Variants in PHYKPL observed in about 807,000 individuals in gnomAD.
The protein encoded by PHYKPL is 5-phosphohydroxy-L-lysine phospho-lyase.
A neutral mutation model predicts 51.3 loss-of-function variants in PHYKPL; 42 were observed. The observed-to-expected ratio is 0.82, with a 90% CI of 0.64 to 1.06. The LOEUF (loss-of-function observed/expected upper bound fraction) is 1.06, where lower values mean the gene tolerates loss of function less well. Ranked by LOEUF, PHYKPL falls within the 50% of genes least tolerant of loss-of-function variation. PHYKPL has a pLI of 0.00. For missense variants in PHYKPL, 655 were observed against 586.6 expected, an observed-to-expected ratio of 1.12 and a Z score of -1.20; for synonymous variants, 264 against 236.0, an observed-to-expected ratio of 1.12 and a Z score of -1.09.
upstream of PHYKPL, chr5:178,232,807 T>G: frequency 7.6e-5 from 22 of 290,462 alleles, no homozygotes; most frequent in South Asian, 1.6e-4. Context: ...CCGTCTCTGG[T>G]TCCGGGACGC....
chr5:178,224,598 T>C, intron 5 of PHYKPL, 34 bp from the exon 6 acceptor site: 1 of 1,614,104 alleles, frequency 6.2e-7, no homozygotes, highest in Non-Finnish European at 8.5e-7. Flanking sequence ...TTATCCGGGC[T>C]TGGGGACAGG....
intron 12 of PHYKPL, chr5:178,209,364 A>G (rs1447116722): frequency 6.2e-7 from 1 of 1,614,210 alleles, no homozygotes; most frequent in East Asian, 2.2e-5. Flanking sequence ...AAAGAAGTCT[A>G]TCAGCAGCAG....
intron 4 of PHYKPL, 195 bp downstream of exon 4, chr5:178,225,160 C>T (rs1465478330): frequency 3.2e-6 from 2 of 628,572 alleles, no homozygotes; most frequent in South Asian, 2.0e-5. Flanking sequence ...CCCAGAGCTG[C>T]CTTCCCAGAA....
In PHYKPL at chr5:178,218,308, A is replaced by G. The variant is rs1349928570; in HGVS notation, c.928-2878T>C. Among the ~76,000 whole-genome samples the G allele has an allele frequency of 4.6e-5, 7 of 152,102 alleles. No homozygotes were observed. The East Asian group carries it at 7.7e-4, about 17-fold the overall frequency. ...ACCAACATGCAAATGACTGTCCCAG[A>G]AGGAGAGGAAAGGGGCAGAACAAAT... On this transcript the variant is annotated intron_variant, in intron 8 of 12. Coordinates refer to ENST00000308158, the MANE Select transcript of PHYKPL (RefSeq NM_153373.4).
chr5:178,225,857 T>C, intron 3 of PHYKPL: 1 of 186,528 alleles, frequency 5.4e-6, no homozygotes, highest in East Asian at 1.4e-4. Context: ...ACTATCTACC[T>C]AGAGACAGCA....
chr5:178,219,996 C>T (rs1345182347), intron 8 of PHYKPL, among the ~76,000 whole-genome samples: 3 of 149,910 alleles, frequency 2.0e-5, no homozygotes, highest in Non-Finnish European at 4.4e-5. Flanking sequence ...GAGTTTGAGA[C>T]CAGCCTGGGC....
chr5:178,224,802 C>T (rs1761971182), intron 4 of PHYKPL, 73 bp from the exon 5 acceptor site: 1 of 1,231,788 alleles, frequency 8.1e-7, no homozygotes, highest in South Asian at 1.4e-5. Context: ...ACCATCGTCT[C>T]CCCACCCCTG....
intron 3 of PHYKPL, among the ~76,000 whole-genome samples, chr5:178,227,770 T>C (rs1762579572): frequency 6.6e-6 from 1 of 152,046 alleles, no homozygotes; most frequent in Non-Finnish European, 1.5e-5. Flanking sequence ...CTAATGGAGT[T>C]GACAAGAATA....
intron 9 of PHYKPL, 64 bp downstream of exon 9, chr5:178,215,212 G>A (rs1759517629): frequency 1.2e-6 from 2 of 1,607,220 alleles, no homozygotes; most frequent in Admixed American, 1.7e-5. Flanking sequence ...GTTAGGAGGT[G>A]AAGAAAATGG....
chr5:178,226,078 CTT>C (rs112189205), intron 3 of PHYKPL: 39 of 136,692 alleles, frequency 2.9e-4, no homozygotes, highest in African/African-American at 4.5e-4. Flanking sequence ...TTTGGAATTT[CTT>C]TTTTTTTTTT....
chr5:178,227,843 T>C (rs1451974000), intron 3 of PHYKPL, among the ~76,000 whole-genome samples: 1 of 151,568 alleles, frequency 6.6e-6, no homozygotes, highest in Non-Finnish European at 1.5e-5. Context: ...GCCATGGAGA[T>C]GGAGAGGTGG....
intron 6 of PHYKPL, 154 bp downstream of exon 6, chr5:178,224,292 ACT>A (rs2113925075): frequency 1.2e-6 from 1 of 810,720 alleles, no homozygotes; most frequent in African/African-American, 1.7e-5. Flanking sequence ...GTGCACTCAG[ACT>A]CTCTGCTGAG....
Position 178,224,744 on chromosome 5 carries a change from G to T in PHYKPL, c.414-15C>A. 6.2e-7 allele frequency: 1 copy of T among 1,605,730 alleles called. No individual in the cohort carries two copies. The highest frequency in any genetic ancestry group is 8.5e-7 in the Non-Finnish European group (1 of 1,173,228). On this transcript the variant is annotated splice_polypyrimidine_tract_variant and intron_variant, in intron 4 of 12. Coordinates refer to ENST00000308158, the MANE Select transcript of PHYKPL (RefSeq NM_153373.4). ...CGTGATACGCACTGGGGAGGAGAAG[G>T]GAGGGTAGGCTCGGGTCCGGGCAGC...
In PHYKPL at chr5:178,211,907, A is replaced by C; in HGVS notation, c.*14T>G. 6.2e-7 allele frequency: 1 copy of C among 1,613,958 alleles called. No individual in the cohort carries two copies. Among genetic ancestry groups the C allele is most frequent in the Non-Finnish European group, 8.5e-7 (1 of 1,179,822 alleles). The stretch of plus-strand genomic sequence containing the variant: ...CCACTCACCTGGAGTACACTTAGGC[A>C]GAGCAGGGCTGGCTTAGGGCTGGAG... On this transcript the variant is annotated 3_prime_UTR_variant, in exon 12 of 13. Transcript: ENST00000308158.
At chr5:178,227,732 T>C (rs1212453963) in intron 3 of PHYKPL, among the ~76,000 whole-genome samples, 2 of 152,202 alleles carry the variant, frequency 1.3e-5, no homozygotes, top group Non-Finnish European at 2.9e-5. Flanking sequence ...AGTCAGCTCC[T>C]ATTTTAGGAG....
chr5:178,232,187 G>A (rs1763606419), intron 1 of PHYKPL: 2 of 1,236,198 alleles, frequency 1.6e-6, no homozygotes, highest in African/African-American at 1.5e-5. Flanking sequence ...CCGGAGTAAA[G>A]GCTGCCAAGC....
chr5:178,219,614 T>C (rs1337179874), intron 8 of PHYKPL, among the ~76,000 whole-genome samples: 3 of 151,924 alleles, frequency 2.0e-5, no homozygotes, highest in Non-Finnish European at 4.4e-5. Context: ...CACGCCCGGC[T>C]AATTTTTTCT....
intron 3 of PHYKPL, 75 bp from the exon 4 acceptor site, chr5:178,225,504 G>A: frequency 7.0e-7 from 1 of 1,420,394 alleles, no homozygotes. Flanking sequence ...AGGGCAGGAG[G>A]ACCCTTCCAG....
intron 3 of PHYKPL, among the ~76,000 whole-genome samples, chr5:178,227,273 G>A (rs1327925828): frequency 6.6e-6 from 1 of 152,188 alleles, no homozygotes; most frequent in Non-Finnish European, 1.5e-5. Context: ...AGACCAACCA[G>A]GGCCATCTCC....
Sources: gnomAD v4.1 joint callset for allele counts (sites outside exome capture counted in the v4.1 genomes callset) on GRCh38, gnomAD v4.1.1 for gene constraint, MANE v1.5 for transcripts, NCBI Gene and HGNC (gene_info 2026-07-23, HGNC 2026-07-21) for gene names.